COX7B2: variants seen among roughly 807,000 people sequenced by gnomAD.
COX7B2 encodes cytochrome c oxidase subunit 7B2, mitochondrial.
For synonymous variants in COX7B2, 37 were observed against 32.1 expected (o/e 1.15, Z -0.51); for missense variants, 109 against 95.9 (o/e 1.14, Z -0.57).
At chr4:46,757,098 AATCT>A (rs1357627972) in intron 2 of COX7B2, among the ~76,000 whole-genome samples, 5 of 152,066 alleles carry the variant, frequency 3.3e-5, no homozygotes, top group African/African-American at 9.7e-5. Context: ...GTGTGATATC[AATCT>A]ATCTATCTAT....
At chr4:46,747,449 G>A (rs1046848107) in intron 2 of COX7B2, among the ~76,000 whole-genome samples, 1 of 151,986 alleles carries the variant, frequency 6.6e-6, no homozygotes, top group African/African-American at 2.4e-5. Flanking sequence ...GATTACAGGT[G>A]TGTGCCACCA....
intron 1 of COX7B2, among the ~76,000 whole-genome samples, chr4:46,878,038 C>G (rs777116992): frequency 6.6e-6 from 1 of 151,690 alleles, no homozygotes; most frequent in Admixed American, 6.6e-5. Flanking sequence ...CACACACACA[C>G]ACACAAAGAA....
chr4:46,851,223 TATTTGAGAGGA>T (rs1716658429), intron 1 of COX7B2, among the ~76,000 whole-genome samples: 1 of 152,046 alleles, frequency 6.6e-6, no homozygotes, highest in African/African-American at 2.4e-5. Flanking sequence ...GAGCAAGTAT[TATTTGAGAGGA>T]ACCAGAAAAG....
intron 2 of COX7B2, among the ~76,000 whole-genome samples, chr4:46,804,594 T>C (rs1434164488): frequency 6.6e-6 from 1 of 152,186 alleles, no homozygotes; most frequent in East Asian, 1.9e-4. Flanking sequence ...AGTAGCTAGA[T>C]ACAGAGTGTC....
rs1467247857 is a variant in COX7B2, at chr4:46,779,846, A to G, written c.-49-44605T>C. 2.6e-5 allele frequency among the ~76,000 whole-genome samples: 4 copies of G among 152,288 alleles called. No individual in the cohort carries two copies. The South Asian group carries it at 8.3e-4, about 32-fold the overall frequency. On this transcript the variant is annotated intron_variant, in intron 2 of 2. Coordinates refer to ENST00000355591, the MANE Select transcript of COX7B2 (RefSeq NM_130902.3). ...ATGGAGTGGGGGGAAGCAAATGGGAAAATGGAGGTCAAATGGTACAAAGTT... is the reference window on the plus strand; with the variant it reads ...ATGGAGTGGGGGGAAGCAAATGGGAGAATGGAGGTCAAATGGTACAAAGTT...
At chr4:46,760,014 A>G (rs1212887577) in intron 2 of COX7B2, among the ~76,000 whole-genome samples, 2 of 152,058 alleles carry the variant, frequency 1.3e-5, no homozygotes, top group African/African-American at 4.8e-5. Context: ...CCGTAACAGA[A>G]ACAAGAACAG....
Position 46,878,483 on chromosome 4 carries a change from TTATA to T in COX7B2, c.-105+30673_-105+30676del, listed in dbSNP as rs34882815. 2.7e-3 allele frequency among the ~76,000 whole-genome samples: 405 copies of T among 149,136 alleles called. 4 individuals are homozygous for T. The highest frequency in any genetic ancestry group is 9.0e-3 in the African/African-American group (365 of 40,682). On this transcript the variant is annotated intron_variant, in intron 1 of 2. Coordinates refer to ENST00000355591, the MANE Select transcript of COX7B2 (RefSeq NM_130902.3). ...ACTACATATACATAAGTTAGCACTA[TTATA>T]TATATATATATATAGACACATATAT...
At chr4:46,744,335 C>T (rs118151679) in intron 2 of COX7B2, among the ~76,000 whole-genome samples, 2 of 152,210 alleles carry the variant, frequency 1.3e-5, no homozygotes, top group East Asian at 3.9e-4. Flanking sequence ...TGCTACATTT[C>T]TTCCCTGCTA....
chr4:46,905,814 CTTTTTTTTTTTT>C (rs761904309), intron 1 of COX7B2, among the ~76,000 whole-genome samples: 982 of 71,718 alleles, frequency 0.014, 33 homozygotes, highest in African/African-American at 0.051. Context: ...GCATATATTT[CTTTTTTTTTTTT>C]TTTTTTTTTT....
In COX7B2 at chr4:46,734,851, T is replaced by G; in HGVS notation, c.*96A>C. 1 of 1,407,936 alleles carries G rather than the reference T, an allele frequency of 7.1e-7. No individual in the cohort carries two copies. Among genetic ancestry groups the G allele is most frequent in the Non-Finnish European group, 9.8e-7 (1 of 1,016,192 alleles). The allele number at this position is 1,407,936 out of a possible 1,614,324, so 87.2% of individuals were successfully genotyped here. A position where few individuals can be genotyped will look rare whatever the true frequency, so the allele number is the denominator to read the frequency against. ...CTTTTTAAAGATTTAAAACACATTT[T>G]ATTTTTTCAATTGTGCTATATTTTA... is the stretch of plus-strand genomic sequence containing the variant. On this transcript the variant is annotated 3_prime_UTR_variant, in exon 3 of 3. Coordinates refer to ENST00000355591, the MANE Select transcript of COX7B2 (RefSeq NM_130902.3).
chr4:46,843,516 G>C (rs1317782272), intron 2 of COX7B2, among the ~76,000 whole-genome samples: 2 of 151,842 alleles, frequency 1.3e-5, no homozygotes, highest in African/African-American at 4.8e-5. Flanking sequence ...TCATTGCTCT[G>C]ATTTTTTTAA....
intron 1 of COX7B2, chr4:46,876,706 C>T (rs939401670): frequency 4.6e-5 from 7 of 151,966 alleles, no homozygotes; most frequent in South Asian, 4.2e-4. Flanking sequence ...GCGCCCGGCC[C>T]GTCCTATTGT....
At chr4:46,812,456 A>T (rs1191142156) in intron 2 of COX7B2, among the ~76,000 whole-genome samples, 1 of 152,136 alleles carries the variant, frequency 6.6e-6, no homozygotes, top group Non-Finnish European at 1.5e-5. Flanking sequence ...AACAGGGCAC[A>T]CTGGCAGGTG....
chr4:46,793,285 T>G (rs1718144668), intron 2 of COX7B2, among the ~76,000 whole-genome samples: 1 of 151,890 alleles, frequency 6.6e-6, no homozygotes, highest in Non-Finnish European at 1.5e-5. Context: ...GACTGGTATC[T>G]TCCCGGCTGG....
At chr4:46,768,386 T>C (rs1365848258) in intron 2 of COX7B2, among the ~76,000 whole-genome samples, 1 of 152,140 alleles carries the variant, frequency 6.6e-6, no homozygotes, top group Non-Finnish European at 1.5e-5. Flanking sequence ...GACATTTAGA[T>C]GCTTCTCTCT....
At chr4:46,901,756 A>C (rs2109896966) in intron 1 of COX7B2, among the ~76,000 whole-genome samples, 1 of 152,308 alleles carries the variant, frequency 6.6e-6, no homozygotes, top group East Asian at 1.9e-4. Context: ...TCTCTCTTTA[A>C]GCTGGAACAT....
chr4:46,847,420 A>T (rs2109770163), intron 1 of COX7B2, among the ~76,000 whole-genome samples: 1 of 152,194 alleles, frequency 6.6e-6, no homozygotes, highest in Non-Finnish European at 1.5e-5. Context: ...GAAGAAAATA[A>T]GCTCTGCAGA....
intron 1 of COX7B2, among the ~76,000 whole-genome samples, chr4:46,894,736 G>A (rs767936286): frequency 1.3e-5 from 2 of 152,006 alleles, no homozygotes; most frequent in Middle Eastern, 3.2e-3. Flanking sequence ...TGCAAACTAC[G>A]CATCTGACAA....
intron 1 of COX7B2, among the ~76,000 whole-genome samples, chr4:46,889,476 G>A (rs1286903963): frequency 4.6e-5 from 7 of 152,302 alleles, no homozygotes; most frequent in East Asian, 1.9e-4. Flanking sequence ...TCTGTTTTCC[G>A]ATGCTTCTCT....
Sources: gnomAD v4.1 joint callset for allele counts (sites outside exome capture counted in the v4.1 genomes callset) on GRCh38, gnomAD v4.1.1 for gene constraint, MANE v1.5 for transcripts, NCBI Gene and HGNC (gene_info 2026-07-23, HGNC 2026-07-21) for gene names.